HMBOX1: variants seen among roughly 807,000 people sequenced by gnomAD.
The protein encoded by HMBOX1 is homeobox-containing protein 1.
A neutral mutation model predicts 54.5 loss-of-function variants in HMBOX1; 14 were observed. That is an observed-to-expected ratio of 0.26 (90% confidence interval 0.17 to 0.40). The LOEUF (loss-of-function observed/expected upper bound fraction) is 0.40, where lower values mean the gene tolerates loss of function less well. Among genes scored for constraint, HMBOX1 ranks in the 10% least tolerant of loss-of-function variants. The pLI, the probability that HMBOX1 is intolerant of heterozygous loss-of-function variation, is 1.00. For synonymous variants in HMBOX1, 160 were observed against 181.0 expected, an observed-to-expected ratio of 0.88 and a Z score of 0.93; for missense variants, 332 against 514.4, an observed-to-expected ratio of 0.65 and a Z score of 3.43.
intron 4 of HMBOX1, among the ~76,000 whole-genome samples, chr8:28,987,064 A>AT (rs975316980): frequency 3.3e-5 from 5 of 152,148 alleles, no homozygotes; most frequent in African/African-American, 1.2e-4. Flanking sequence ...AGGAGTCTAC[A>AT]TTTTTGGTGT....
At position 29,050,125 on chromosome 8, in the gene HMBOX1, G is replaced by A. The variant is rs77850962; in HGVS notation, c.1126-893G>A. Reference sequence around the variant, plus strand: ...TTCCTCTTTTCAGTCTACCCACATAGATGGATCATTTCCATCTTTTTTTAC... The same window carrying A: ...TTCCTCTTTTCAGTCTACCCACATAAATGGATCATTTCCATCTTTTTTTAC... On this transcript the variant is annotated intron_variant, in intron 9 of 9. Coordinates refer to ENST00000287701, the MANE Select transcript of HMBOX1 (RefSeq NM_001135726.3). 7.2e-4 allele frequency: 295 copies of A among 408,926 alleles called. 2 individuals are homozygous for A. Among genetic ancestry groups the A allele is most frequent in the African/African-American group, 6.1e-3 (283 of 46,212 alleles). The allele number at this position is 408,926 out of a possible 1,614,324, so 25.3% of individuals were successfully genotyped here. A position where few individuals can be genotyped will look rare whatever the true frequency, so the allele number is the denominator to read the frequency against.
chr8:28,933,799 T>G (rs1052146630), intron 1 of HMBOX1, among the ~76,000 whole-genome samples: 11 of 152,228 alleles, frequency 7.2e-5, no homozygotes. Flanking sequence ...CTTTAATATG[T>G]TTTTTAAAGA....
intron 1 of HMBOX1, among the ~76,000 whole-genome samples, chr8:28,943,605 TAACTC>T (rs1211509901): frequency 6.6e-6 from 1 of 152,176 alleles, no homozygotes; most frequent in Non-Finnish European, 1.5e-5. Flanking sequence ...CTAGTGCCCT[TAACTC>T]AAGATAATCA....
intron 1 of HMBOX1, among the ~76,000 whole-genome samples, chr8:28,905,027 G>T (rs1207419687): frequency 6.6e-6 from 1 of 152,156 alleles, no homozygotes; most frequent in Non-Finnish European, 1.5e-5. Flanking sequence ...TTCCACAGTT[G>T]CAAGAACACC....
intron 3 of HMBOX1, among the ~76,000 whole-genome samples, chr8:28,975,244 G>T (rs112522037): frequency 4.6e-5 from 7 of 152,202 alleles, no homozygotes; most frequent in South Asian, 2.1e-4. Flanking sequence ...TAGGAGAGAT[G>T]AGACAAGATT....
At chr8:29,000,047 G>A (rs1832408250) in intron 4 of HMBOX1, among the ~76,000 whole-genome samples, 1 of 152,140 alleles carries the variant, frequency 6.6e-6, no homozygotes, top group Non-Finnish European at 1.5e-5. Context: ...TATTGCTGTT[G>A]TTGGTGATGT....
chr8:28,952,060 C>G (rs1374511636), intron 1 of HMBOX1, among the ~76,000 whole-genome samples: 4 of 151,276 alleles, frequency 2.6e-5, no homozygotes, highest in African/African-American at 9.7e-5. Context: ...CCTGTAGTCC[C>G]AGCTACTCTG....
chr8:28,924,056 T>C (rs1048031874), intron 1 of HMBOX1, among the ~76,000 whole-genome samples: 1 of 152,114 alleles, frequency 6.6e-6, no homozygotes, highest in Non-Finnish European at 1.5e-5. Context: ...TTTCCGATTA[T>C]GTAGGTTATT....
At chr8:28,927,473 A>C (rs918473092) in intron 1 of HMBOX1, among the ~76,000 whole-genome samples, 1 of 152,078 alleles carries the variant, frequency 6.6e-6, no homozygotes. Flanking sequence ...ACTTCCACTC[A>C]TGGTGGAAGG....
chr8:28,902,610 G>A (rs917187303), intron 1 of HMBOX1, among the ~76,000 whole-genome samples: 1 of 152,170 alleles, frequency 6.6e-6, no homozygotes, highest in East Asian at 1.9e-4. Flanking sequence ...TCTTCAGTAT[G>A]GTGGCTTCAA....
At chr8:28,953,948 G>T (rs1823962590) in intron 1 of HMBOX1, among the ~76,000 whole-genome samples, 1 of 152,154 alleles carries the variant, frequency 6.6e-6, no homozygotes, top group African/African-American at 2.4e-5. Context: ...TCTTTGTAAG[G>T]ATTCACAGGA....
At chr8:29,008,248 T>C (rs529351131) in intron 4 of HMBOX1, among the ~76,000 whole-genome samples, 2 of 152,224 alleles carry the variant, frequency 1.3e-5, no homozygotes, top group Non-Finnish European at 2.9e-5. Context: ...TTTTTTGGAA[T>C]AGCTATGAAT....
At chr8:29,035,198 G>A (rs1563623810) in intron 6 of HMBOX1, among the ~76,000 whole-genome samples, 1 of 152,134 alleles carries the variant, frequency 6.6e-6, no homozygotes, top group Non-Finnish European at 1.5e-5. Context: ...CTTTTAGTCA[G>A]AGGTAGTCAT....
chr8:28,935,797 G>T (rs1457438020), intron 1 of HMBOX1, among the ~76,000 whole-genome samples: 1 of 152,084 alleles, frequency 6.6e-6, no homozygotes, highest in Non-Finnish European at 1.5e-5. Context: ...ATTTTGCAAT[G>T]CATTACTCCA....
intron 7 of HMBOX1, 132 bp downstream of exon 7, chr8:29,045,575 G>T (rs937027955): frequency 2.9e-6 from 2 of 697,390 alleles, no homozygotes; most frequent in East Asian, 5.2e-5. Context: ...CCTTCCGCAG[G>T]TGGCCAGTGC....
chr8:28,927,831 C>CAAAAAAA (rs34952149), intron 1 of HMBOX1, among the ~76,000 whole-genome samples: 1 of 52,752 alleles, frequency 1.9e-5, no homozygotes, highest in Non-Finnish European at 3.2e-5. Context: ...AACTCAGTCT[C>CAAAAAAA]AAAAAAAAAA....
At chr8:29,007,440 C>T (rs1833625859) in intron 4 of HMBOX1, among the ~76,000 whole-genome samples, 1 of 152,096 alleles carries the variant, frequency 6.6e-6, no homozygotes, top group Admixed American at 6.5e-5. Flanking sequence ...ATCTTTAGTC[C>T]ACTGGAAAAC....
intron 1 of HMBOX1, among the ~76,000 whole-genome samples, chr8:28,958,564 C>T (rs982696206): frequency 6.6e-6 from 1 of 152,100 alleles, no homozygotes; most frequent in Non-Finnish European, 1.5e-5. Context: ...CATTCCTCTC[C>T]GTAATCTCTG....
intron 1 of HMBOX1, chr8:28,891,147 G>A (rs944020112): frequency 6.5e-6 from 1 of 153,038 alleles, no homozygotes; most frequent in Non-Finnish European, 1.5e-5. Context: ...CTCGCTCTGG[G>A]CCTGGGCTGA....
Sources: gnomAD v4.1 joint callset for allele counts (sites outside exome capture counted in the v4.1 genomes callset) on GRCh38, gnomAD v4.1.1 for gene constraint, MANE v1.5 for transcripts, NCBI Gene and HGNC (gene_info 2026-07-23, HGNC 2026-07-21) for gene names.